Variants in KLK6 observed in about 807,000 individuals in gnomAD.
KLK6 encodes kallikrein-6.
Under a neutral mutation model 21.7 loss-of-function variants are expected in KLK6, and 16 were observed. The ratio of observed to expected loss-of-function variants is 0.74; its 90% CI spans 0.50 to 1.12. The LOEUF is 1.12. Ranked by LOEUF, KLK6 falls within the 50% of genes most tolerant of loss-of-function variation. KLK6 has a pLI of 0.00. For missense variants in KLK6, 276 were observed against 304.6 expected (o/e 0.91, Z 0.70); for synonymous variants, 116 against 120.1 (o/e 0.97, Z 0.22).
chr19:50,966,719 G>A (rs781115714), intron 4 of KLK6, among the ~76,000 whole-genome samples: 2 of 152,108 alleles, frequency 1.3e-5, no homozygotes, highest in Non-Finnish European at 2.9e-5. Context: ...GAGAATCGCT[G>A]GAACCTGGGA....
chr19:50,961,832 C>T lies in KLK6; in HGVS notation c.494G>A (p.Arg165His), dbSNP rs768388862. 25 of 1,613,922 alleles carry T rather than the reference C, an allele frequency of 1.5e-5. No homozygotes were observed. In the South Asian group the frequency reaches 1.9e-4, roughly 12 times the overall value. The change falls in exon 6 of 7, where the codon CGT (arginine) becomes CAT (histidine). Residue 165 changes from arginine to histidine, a missense_variant. Coordinates refer to ENST00000310157, the MANE Select transcript of KLK6 (RefSeq NM_002774.4). Reference protein sequence around the residue: ...IQCAYIHLVSREECEHAYPGQ... With the variant: ...IQCAYIHLVSHEECEHAYPGQ... ...AGGGTAGGCATGCTCACACTCCTCA[C>T]GGGACACCAGGTGGATGTATGCACA...
chr19:50,958,922 T>C lies in KLK6; in HGVS notation c.*242A>G. ...GAGATGCCTAGAAGGGATTTTCCTG[T>C]ATTCTCTTAGTGGTGGGGGTAAGAC... On this transcript the variant is annotated 3_prime_UTR_variant, in exon 7 of 7. Coordinates refer to ENST00000310157, the MANE Select transcript of KLK6 (RefSeq NM_002774.4). 3.8e-6 allele frequency: 2 copies of C among 532,212 alleles called. No homozygotes were observed. Among genetic ancestry groups the C allele is most frequent in the Non-Finnish European group, 6.7e-6 (2 of 296,662 alleles). 33.0% of individuals were successfully genotyped at this position (532,212 alleles called of 1,614,324 possible).
At chr19:50,967,982 C>T (rs907940063) in intron 3 of KLK6, 83 bp downstream of exon 3, 1 of 1,265,060 alleles carries the variant, frequency 7.9e-7, no homozygotes, top group Admixed American at 1.7e-5. Context: ...TGTGCATATC[C>T]CCATCCCCAA....
chr19:50,960,012 GAGA>G (rs1418303945), intron 6 of KLK6, among the ~76,000 whole-genome samples: 5 of 84,616 alleles, frequency 5.9e-5, no homozygotes, highest in African/African-American at 2.1e-4. Flanking sequence ...GAAGGAAGAG[GAGA>G]AGGAGGAGGA....
rs1230794749 is a variant in KLK6, at chr19:50,963,298, T to C, written c.445+4A>G. 2 of 1,611,580 alleles carry C rather than the reference T, an allele frequency of 1.2e-6. No individual in the cohort carries two copies. The highest frequency in any genetic ancestry group is 2.7e-5 in the African/African-American group (2 of 74,890). ...CTGCTCCCCACCAGCCTCCCACTAC[T>C]GACCATCTGCTGTCTTGCCCCAGCC... On this transcript the variant is annotated splice_donor_region_variant and intron_variant, in intron 5 of 6. Transcript: ENST00000310157.
At chr19:50,960,354 G>C (rs1000686919) in intron 6 of KLK6, among the ~76,000 whole-genome samples, 2 of 152,040 alleles carry the variant, frequency 1.3e-5, no homozygotes, top group African/African-American at 4.8e-5. Flanking sequence ...GTTTCTGCCT[G>C]TGTCTCCCCC....
At chr19:50,969,433 C>G (rs990895845) in intron 1 of KLK6, 57 bp downstream of exon 1, 1 of 152,434 alleles carries the variant, frequency 6.6e-6, no homozygotes, top group African/African-American at 2.4e-5. Flanking sequence ...CTCTAGAGCC[C>G]TCCGGCACTG....
chr19:50,961,915 G>T, intron 5 of KLK6, 35 bp from the exon 6 acceptor site: 2 of 1,603,450 alleles, frequency 1.2e-6, no homozygotes, highest in South Asian at 1.1e-5. Context: ...CTCAGCCCAG[G>T]CCTTGCACTC....
intron 4 of KLK6, among the ~76,000 whole-genome samples, chr19:50,965,127 G>C (rs970257208): frequency 3.9e-5 from 6 of 151,972 alleles, no homozygotes; most frequent in Admixed American, 2.0e-4. Context: ...ACAGGGTCTC[G>C]CTCTGTCACC....
intron 4 of KLK6, among the ~76,000 whole-genome samples, chr19:50,966,687 G>A (rs2090931446): frequency 1.3e-5 from 2 of 152,226 alleles, no homozygotes; most frequent in South Asian, 2.1e-4. Context: ...TGTAATCTCA[G>A]CTACTTGGGG....
intron 6 of KLK6, among the ~76,000 whole-genome samples, chr19:50,961,401 AC>A (rs2090837673): frequency 6.6e-6 from 1 of 151,448 alleles, no homozygotes; most frequent in South Asian, 2.1e-4. Context: ...CGAACTCCTG[AC>A]CCTAGGTGAT....
At chr19:50,964,586 C>G (rs1185079856) in intron 4 of KLK6, among the ~76,000 whole-genome samples, 2 of 152,156 alleles carry the variant, frequency 1.3e-5, no homozygotes, top group Non-Finnish European at 2.9e-5. Context: ...CTATATGTGG[C>G]TGATGGCTAC....
At chr19:50,959,408 TGA>T in intron 6 of KLK6, 92 bp from the exon 7 acceptor site, 8 of 884,998 alleles carry the variant, frequency 9.0e-6, no homozygotes, top group Non-Finnish European at 1.3e-5. Context: ...TGTGTGTGTG[TGA>T]CAGAGAGAGA....
intron 4 of KLK6, among the ~76,000 whole-genome samples, chr19:50,966,319 A>T (rs2090925077): frequency 6.6e-6 from 1 of 152,164 alleles, no homozygotes; most frequent in Non-Finnish European, 1.5e-5. Context: ...TCGTTGCCAG[A>T]TTCTGCTGGC....
In KLK6 at chr19:50,967,266, G is replaced by C. The variant is rs930841272; in HGVS notation, c.100C>G (p.Pro34Ala). ...HGGPCDKTSH[P>A]YQAALYTSGH... is the part of the protein sequence containing the mutation. ...GAGGTGTAGAGGGCAGCTTGGTAGG[G>C]GTGAGATGTCTTGTCGCAGGGTCCG... The change falls in exon 4 of 7, where the codon CCC becomes GCC. Residue 34 changes from proline (P) to alanine (A), a missense_variant. By Grantham distance (27) the Pro-to-Ala change is conservative. Coordinates refer to ENST00000310157, the MANE Select transcript of KLK6 (RefSeq NM_002774.4). 3 of 1,613,906 alleles carry C rather than the reference G, an allele frequency of 1.9e-6. No individual in the cohort carries two copies. In the African/African-American group the frequency reaches 4.0e-5, roughly 22 times the overall value.
Position 50,963,451 on chromosome 19 carries a change from T to G in KLK6, c.296A>C (p.Asp99Ala). 6.2e-7 allele frequency: 1 copy of G among 1,614,176 alleles called. No individual in the cohort carries two copies. The highest frequency in any genetic ancestry group is 8.5e-7 in the Non-Finnish European group (1 of 1,180,032). The change falls in exon 5 of 7, where the codon GAT becomes GCT. Residue 99 changes from aspartate to alanine, a missense_variant. Transcript: ENST00000310157. Reference sequence around the variant, plus strand: ...GATGTCCTGGTCATGGCTGGCGGCATCATAGTCAGGGTGGATCACAGCCCG... The same window carrying G: ...GATGTCCTGGTCATGGCTGGCGGCAGCATAGTCAGGGTGGATCACAGCCCG... ...VVRAVIHPDYDAASHDQDIML... is the reference protein window; with the variant it reads ...VVRAVIHPDYAAASHDQDIML...
chr19:50,968,975 G>A lies in KLK6; in HGVS notation c.-59-384C>T, dbSNP rs143653771. On this transcript the variant is annotated intron_variant, in intron 1 of 6. Coordinates refer to ENST00000310157, the MANE Select transcript of KLK6 (RefSeq NM_002774.4). ...TGAGGGCCTGGACTCCTGGGTCTGA[G>A]GGAGGAGGGGCTTGGGGGCCTGGAC... 2.1e-3 allele frequency: 326 copies of A among 158,224 alleles called. 1 individual carries two copies. The highest frequency in any genetic ancestry group is 3.5e-3 in the Non-Finnish European group (253 of 71,380). The allele number at this position is 158,224 out of a possible 1,614,324, so 9.8% of individuals were successfully genotyped here. A position where few individuals can be genotyped will look rare whatever the true frequency, so the allele number is the denominator to read the frequency against.
rs770827841 is a variant in KLK6, at chr19:50,959,950, GGGAGGAGGAAGAGGA to G, written c.583-649_583-635del. Among the ~76,000 whole-genome samples, 414 of 71,496 alleles carry G rather than the reference GGGAGGAGGAAGAGGA, an allele frequency of 5.8e-3. 8 individuals are homozygous for G. Among genetic ancestry groups the G allele is most frequent in the African/African-American group, 0.014 (217 of 15,146 alleles). 46.9% of individuals were successfully genotyped at this position (71,496 alleles called of 152,430 possible). A position where few individuals can be genotyped will look rare whatever the true frequency, so the allele number is the denominator to read the frequency against. On this transcript the variant is annotated intron_variant, in intron 6 of 6. Transcript: ENST00000310157. Reference sequence around the variant, plus strand: ...GAGGAAAAGGAGGAGGAGGAAAAGGGGGAGGAGGAAGAGGAGGAGGAGGAAGAGGAGAACGAGGAG... The same window carrying G: ...GAGGAAAAGGAGGAGGAGGAAAAGGGGGAGGAGGAAGAGGAGAACGAGGAG...
Position 50,961,821 on chromosome 19 carries a change from C to T in KLK6, c.505G>A (p.Glu169Lys), listed in dbSNP as rs752199342. ...GTGATCTGGCCAGGGTAGGCATGCT[C>T]ACACTCCTCACGGGACACCAGGTGG... ...YIHLVSREECEHAYPGQITQN... is the reference protein window; with the variant it reads ...YIHLVSREECKHAYPGQITQN... Residue 169 changes from glutamate to lysine, a missense_variant, in exon 6 of 7, where the codon GAG becomes AAG. Coordinates refer to ENST00000310157, the MANE Select transcript of KLK6 (RefSeq NM_002774.4). 4 of 1,614,072 alleles carry T rather than the reference C, an allele frequency of 2.5e-6. No individual in the cohort carries two copies. Among genetic ancestry groups the T allele is most frequent in the East Asian group, 4.5e-5 (2 of 44,880 alleles).
Sources: gnomAD v4.1 joint callset for allele counts (sites outside exome capture counted in the v4.1 genomes callset) on GRCh38, gnomAD v4.1.1 for gene constraint, MANE v1.5 for transcripts, NCBI Gene and HGNC (gene_info 2026-07-23, HGNC 2026-07-21) for gene names.